The following DSC1 variants were observed in gnomAD, a reference collection of about 807,000 sequenced individuals.
DSC1 encodes desmocollin 1, also known as desmocollin-1.
DSC1 carries 79 observed loss-of-function variants against 98.8 expected under a neutral mutation model. The observed-to-expected ratio is 0.80, with a 90% confidence interval of 0.67 to 0.96. The LOEUF is 0.96. DSC1 is among the 50% of genes least tolerant of loss of function. DSC1 has a pLI of 0.00. For synonymous variants in DSC1, 405 were observed against 372.1 expected, an observed-to-expected ratio of 1.09 and a Z score of -1.02; for missense variants, 1,115 against 1,075.9, an observed-to-expected ratio of 1.04 and a Z score of -0.51.
In DSC1 at chr18:31,140,233, A is replaced by G; in HGVS notation, c.1329T>C (p.Ser443=). The G allele has an allele frequency of 6.2e-7, 1 of 1,614,092 alleles. No homozygotes were observed. The highest frequency in any genetic ancestry group is 1.7e-5 in the Admixed American group (1 of 60,016). ...QVGVINEAQF[S]KAASSQTPTM... ...TAGGAGTTTGTGAGCTCGCTGCTTT[A>G]GAGAATTGTGCCTCGTTAATGACAC... Residue 443 remains serine (S), a synonymous_variant, in exon 10 of 16, where the codon TCT becomes TCC. Coordinates refer to ENST00000257198, the MANE Select transcript of DSC1 (RefSeq NM_024421.2).
intron 5 of DSC1, 51 bp from the exon 6 acceptor site, chr18:31,148,693 A>G: frequency 1.3e-6 from 2 of 1,481,882 alleles, no homozygotes; most frequent in African/African-American, 1.4e-5. Context: ...CAAATTATGC[A>G]CAAAAGTAAG....
intron 11 of DSC1, among the ~76,000 whole-genome samples, chr18:31,138,617 T>TA (rs35838282): frequency 3.8e-4 from 56 of 149,178 alleles, no homozygotes; most frequent in East Asian, 9.8e-4. Flanking sequence ...ATTTTGTTAT[T>TA]AAAAAAAAAA....
intron 12 of DSC1, 65 bp from the exon 13 acceptor site, chr18:31,134,195 A>G (rs1988557775): frequency 3.9e-6 from 6 of 1,536,654 alleles, no homozygotes; most frequent in South Asian, 1.2e-5. Flanking sequence ...ATTCCTACTC[A>G]ATATTCTCAG....
At position 31,131,761 on chromosome 18, in the gene DSC1, T is replaced by A. The variant is rs777995922; in HGVS notation, c.2320A>T (p.Ile774Phe). The change falls in exon 15 of 16, where the codon ATC becomes TTC. Residue 774 changes from isoleucine (I) to phenylalanine (F), a missense_variant. Transcript: ENST00000257198. ...ATCTCAAAACTTTGCTGTGTTTTGATTCCCTGGCCACCAACAGTACCAACA... is the reference window on the plus strand; with the variant it reads ...ATCTCAAAACTTTGCTGTGTTTTGAATCCCTGGCCACCAACAGTACCAACA... Reference protein sequence around the residue: ...MSVGTVGGQGIKTQQSFEMVK... With the variant: ...MSVGTVGGQGFKTQQSFEMVK... 6.2e-7 allele frequency: 1 copy of A among 1,614,140 alleles called. No individual in the cohort carries two copies. The highest frequency in any genetic ancestry group is 8.5e-7 in the Non-Finnish European group (1 of 1,179,986).
intron 11 of DSC1, among the ~76,000 whole-genome samples, chr18:31,136,573 G>T (rs553028411): frequency 6.6e-6 from 1 of 152,178 alleles, no homozygotes; most frequent in Non-Finnish European, 1.5e-5. Context: ...AGCTGAGAAG[G>T]TCTTAGAACA....
chr18:31,138,324 C>A (rs578075383), intron 11 of DSC1, among the ~76,000 whole-genome samples: 26 of 152,192 alleles, frequency 1.7e-4, no homozygotes, highest in African/African-American at 6.3e-4. Context: ...CATCCTTAAT[C>A]TGAGCAGGTC....
chr18:31,145,556 T>C (rs889804194), intron 7 of DSC1, 55 bp downstream of exon 7: 1 of 1,592,586 alleles, frequency 6.3e-7, no homozygotes, highest in Non-Finnish European at 8.6e-7. Flanking sequence ...TCTCGGGAGT[T>C]CATTCTCAGT....
intron 14 of DSC1, 26 bp from the exon 15 acceptor site, chr18:31,131,868 G>A (rs1988500305): frequency 3.1e-6 from 5 of 1,608,160 alleles, no homozygotes; most frequent in Non-Finnish European, 4.3e-6. Context: ...GAGTGATAAA[G>A]TGAATTTGAA....
intron 2 of DSC1, 84 bp downstream of exon 2, chr18:31,159,361 G>T: frequency 7.0e-7 from 1 of 1,421,166 alleles, no homozygotes; most frequent in Non-Finnish European, 9.8e-7. Context: ...CCTACTATGT[G>T]GTTTTTATCC....
chr18:31,134,174 A>G (rs770148053), intron 12 of DSC1, 44 bp from the exon 13 acceptor site: 10 of 1,584,744 alleles, frequency 6.3e-6, no homozygotes, highest in Non-Finnish European at 8.5e-6. Flanking sequence ...GGCTGTTTAG[A>G]TGGCAGTATT....
At chr18:31,131,237 C>G (rs1988481062) in intron 15 of DSC1, among the ~76,000 whole-genome samples, 1 of 152,168 alleles carries the variant, frequency 6.6e-6, no homozygotes, top group South Asian at 2.1e-4. Flanking sequence ...ACAAAGAACT[C>G]AAGCACACTG....
intron 6 of DSC1, among the ~76,000 whole-genome samples, chr18:31,147,963 C>CTGAA (rs3030288): frequency 0.23 from 34,956 of 151,442 alleles, 4,496 homozygotes; most frequent in East Asian, 0.56. Context: ...TAAAAAACCA[C>CTGAA]TGAATGAATG....
rs1988553104 is a variant in DSC1, at chr18:31,134,058, T to C, written c.1949A>G (p.Asp650Gly). 6.2e-7 allele frequency: 1 copy of C among 1,612,154 alleles called. No individual in the cohort carries two copies. Among genetic ancestry groups the C allele is most frequent in the Non-Finnish European group, 8.5e-7 (1 of 1,179,546 alleles). The change falls in exon 13 of 16, where the codon GAC (aspartate) becomes GGC (glycine). Residue 650 changes from aspartate (D) to glycine (G), a missense_variant. Coordinates refer to ENST00000257198, the MANE Select transcript of DSC1 (RefSeq NM_024421.2). ...ATGTGTTGCAACTAAACCATGCCTG[T>C]CTTTTATTTGAATAGGCACAGAATA... ...NYYSVPIQIK[D>G]RHGLVATHML...
chr18:31,147,746 A>G (rs956509148), intron 6 of DSC1, among the ~76,000 whole-genome samples: 5 of 152,274 alleles, frequency 3.3e-5, no homozygotes, highest in East Asian at 3.9e-4. Context: ...AGATTTTAAT[A>G]TAAACTGGTA....
At chr18:31,142,280 GA>G in intron 8 of DSC1, 96 bp from the exon 9 acceptor site, 1 of 1,338,696 alleles carries the variant, frequency 7.5e-7, no homozygotes, top group Non-Finnish European at 1.0e-6. Flanking sequence ...TAAATAAAGT[GA>G]TGTGAAAAGC....
chr18:31,141,874 A>G, intron 9 of DSC1, 125 bp downstream of exon 9: 1 of 906,318 alleles, frequency 1.1e-6, no homozygotes, highest in East Asian at 2.9e-5. Context: ...GTTTATATAA[A>G]CCAATATAAA....
At chr18:31,145,097 G>C (rs1988818911) in intron 7 of DSC1, among the ~76,000 whole-genome samples, 1 of 151,914 alleles carries the variant, frequency 6.6e-6, no homozygotes, top group Non-Finnish European at 1.5e-5. Flanking sequence ...CCGCCACCAA[G>C]CCCGGCTAAT....
At position 31,157,441 on chromosome 18, in the gene DSC1, A is replaced by G. The variant is rs775703487; in HGVS notation, c.281T>C (p.Ile94Thr). 3.7e-6 allele frequency: 6 copies of G among 1,614,214 alleles called. No homozygotes were observed. The highest frequency in any genetic ancestry group is 5.1e-6 in the Non-Finnish European group (6 of 1,180,042). Residue 94 changes from isoleucine (I) to threonine (T), a missense_variant, in exon 3 of 16, where the codon ATT becomes ACT. Coordinates refer to ENST00000257198, the MANE Select transcript of DSC1 (RefSeq NM_024421.2). Reference sequence around the variant, plus strand: ...CCGTCTCTGACCATCTGAAAGGAAAATGGAAAAACTTTTCCTTTCAGAAGA... The same window carrying G: ...CCGTCTCTGACCATCTGAAAGGAAAGTGGAAAAACTTTTCCTTTCAGAAGA... ...ILSSERKSFSIFLSDGQRREQ... is the reference protein window; with the variant it reads ...ILSSERKSFSTFLSDGQRREQ...
chr18:31,152,764 A>G (rs535509191), intron 5 of DSC1, among the ~76,000 whole-genome samples: 70 of 152,160 alleles, frequency 4.6e-4, no homozygotes, highest in African/African-American at 1.6e-3. Flanking sequence ...CCAGAAACAT[A>G]CATTATTCAA....
Sources: gnomAD v4.1 joint callset for allele counts (sites outside exome capture counted in the v4.1 genomes callset) on GRCh38, gnomAD v4.1.1 for gene constraint, MANE v1.5 for transcripts, NCBI Gene and HGNC (gene_info 2026-07-23, HGNC 2026-07-21) for gene names.